Variants in PCDHGA10 observed in about 807,000 individuals in gnomAD.
PCDHGA10 encodes the protein protocadherin gamma subfamily A, 10.
Under a neutral mutation model 59.5 loss-of-function variants are expected in PCDHGA10, and 42 were observed. The observed-to-expected ratio is 0.71, with a 90% CI of 0.55 to 0.91. The LOEUF (loss-of-function observed/expected upper bound fraction) is 0.91, where lower values mean the gene tolerates loss of function less well. PCDHGA10 is among the 40% of genes least tolerant of loss of function. The pLI is 0.00. For missense variants in PCDHGA10, 1,111 were observed against 1,198.2 expected (o/e 0.93, Z 1.07); for synonymous variants, 511 against 517.2 (o/e 0.99, Z 0.16).
chr5:141,428,949 G>T (rs2097173007), intron 1 of PCDHGA10: 1 of 152,034 alleles, frequency 6.6e-6, no homozygotes, highest in Admixed American at 6.6e-5. Flanking sequence ...CTGCCTTCCG[G>T]GTTCTGGCCA....
At position 141,505,417 on chromosome 5, in the gene PCDHGA10, C is replaced by T; in HGVS notation, c.2520C>T (p.Gly840=). The change falls in exon 3 of 4, where the codon GGC becomes GGT. Residue 840 remains glycine, a synonymous_variant. Coordinates refer to ENST00000398610, the MANE Select transcript of PCDHGA10 (RefSeq NM_018913.3). ...TSGSQNGDDT[G]TWPNNQFDTE... is the part of the protein sequence containing the mutation. ...GCTCCCAAAATGGCGATGACACCGG[C>T]ACCTGGCCCAACAACCAGTTTGACA... 1 of 1,614,212 alleles carries T rather than the reference C, an allele frequency of 6.2e-7. No individual in the cohort carries two copies. Among genetic ancestry groups the T allele is most frequent in the Non-Finnish European group, 8.5e-7 (1 of 1,180,024 alleles).
Position 141,468,058 on chromosome 5 carries a change from C to T in PCDHGA10, c.2437-26749C>T, listed in dbSNP as rs993225792. ...TAGAAAACTAAGCCGGGCACAGTGG[C>T]TCACACCTGTAATCCCAGCACTTTG... On this transcript the variant is annotated intron_variant, in intron 1 of 3. Transcript: ENST00000398610. 1.1e-4 allele frequency among the ~76,000 whole-genome samples: 16 copies of T among 152,140 alleles called. 2 individuals carry two copies. The highest frequency in any genetic ancestry group is 5.2e-4 in the Admixed American group (8 of 15,276).
rs955615446 is a variant in PCDHGA10 at position 141,420,343 on chromosome 5, ATTATT to A, written c.2436+4736_2436+4740del. Reference sequence around the variant, plus strand: ...TGCCAATATATTCCAATATAGTGGTATTATTTTAAGATTCTAGATAACTTCTTCAT... The same window carrying A: ...TGCCAATATATTCCAATATAGTGGTATTAAGATTCTAGATAACTTCTTCAT... On this transcript the variant is annotated intron_variant, in intron 1 of 3. Transcript: ENST00000398610. 8 of 1,394,426 alleles carry A rather than the reference ATTATT, an allele frequency of 5.7e-6. No homozygotes were observed. In the African/African-American group the frequency reaches 1.2e-4, roughly 20 times the overall value. 86.4% of individuals were successfully genotyped at this position (1,394,426 alleles called of 1,614,324 possible).
rs1297009673 is a variant in PCDHGA10 at position 141,414,399 on chromosome 5, GGTGATAC to G, written c.1225_1231del (p.Val409ThrfsTer16). The stretch of plus-strand genomic sequence containing the variant: ...AGTCCATTGACAGTTATTACAGATT[GGTGATAC>G]ACAGAGCCCTTGACAGGGAACAGGT... On this transcript the variant is annotated frameshift_variant, in exon 1 of 4. Coordinates refer to ENST00000398610, the MANE Select transcript of PCDHGA10 (RefSeq NM_018913.3). LOFTEE classifies it high-confidence loss of function. The G allele has an allele frequency of 6.2e-7, 1 of 1,613,846 alleles. No individual in the cohort carries two copies. The highest frequency in any genetic ancestry group is 1.1e-5 in the South Asian group (1 of 91,082).
At chr5:141,463,773 C>A (rs2099069188) in intron 1 of PCDHGA10, among the ~76,000 whole-genome samples, 1 of 152,088 alleles carries the variant, frequency 6.6e-6, no homozygotes, top group Non-Finnish European at 1.5e-5. Context: ...GGGTTAGAAT[C>A]CTGCACTGTC....
chr5:141,477,042 G>A lies in PCDHGA10; in HGVS notation c.2437-17765G>A. ...ACCGGGATGCTGACAATCAAGGGTC[G>A]GCTGGACTTCGAGGACACCAAACTC... On this transcript the variant is annotated intron_variant, in intron 1 of 3. Transcript: ENST00000398610. This position sits in a 1 kb window ranked among gnomAD's most constrained non-coding sequence, Gnocchi z 4.9. 1 of 1,614,238 alleles carries A rather than the reference G, an allele frequency of 6.2e-7. No homozygotes were observed. Among genetic ancestry groups the A allele is most frequent in the Non-Finnish European group, 8.5e-7 (1 of 1,180,040 alleles).
At chr5:141,424,357 G>A (rs1171882619) in intron 1 of PCDHGA10, 1 of 152,122 alleles carries the variant, frequency 6.6e-6, no homozygotes, top group Non-Finnish European at 1.5e-5. Context: ...ATAAAATTTA[G>A]ATCACATTTT....
intron 1 of PCDHGA10, chr5:141,422,221 A>T (rs1267909650): frequency 1.3e-6 from 2 of 1,565,034 alleles, no homozygotes; most frequent in Admixed American, 4.0e-5. Context: ...CTTTACCACC[A>T]CGACGATGTT....
At chr5:141,470,015 G>C (rs999085849) in intron 1 of PCDHGA10, among the ~76,000 whole-genome samples, 1 of 152,130 alleles carries the variant, frequency 6.6e-6, no homozygotes, top group Non-Finnish European at 1.5e-5. Context: ...TGTAATCCCA[G>C]CTACTCGGGA....
rs372018713 is a variant in PCDHGA10, at chr5:141,418,097, C to G, written c.2436+2486C>G. ...GAAGCTGCACTTCAGCGTAGACGCG[C>G]AGAGCGGGGACTTACTTGTGAAGGA... On this transcript the variant is annotated intron_variant, in intron 1 of 3. Coordinates refer to ENST00000398610, the MANE Select transcript of PCDHGA10 (RefSeq NM_018913.3). The G allele has an allele frequency of 5.7e-4, 921 of 1,613,980 alleles. 9 individuals are homozygous for G. The South Asian group carries it at 6.8e-3, about 12-fold the overall frequency.
At chr5:141,495,804 T>G (rs894259635) in intron 2 of PCDHGA10, among the ~76,000 whole-genome samples, 1 of 152,168 alleles carries the variant, frequency 6.6e-6, no homozygotes, top group South Asian at 2.1e-4. Flanking sequence ...TTTCACCGTT[T>G]CCTAGCGCCT....
At chr5:141,480,927 C>T (rs1562083028) in intron 1 of PCDHGA10, among the ~76,000 whole-genome samples, 1 of 152,090 alleles carries the variant, frequency 6.6e-6, no homozygotes, top group Non-Finnish European at 1.5e-5. Context: ...TACCTGTAGT[C>T]CCAGCTACTC....
intron 1 of PCDHGA10, chr5:141,427,677 C>G: frequency 1.2e-6 from 1 of 816,672 alleles, no homozygotes; most frequent in Non-Finnish European, 2.1e-6. Context: ...AAACAACCTT[C>G]CCGGAGCCTC....
At chr5:141,465,338 G>C (rs908157154) in intron 1 of PCDHGA10, among the ~76,000 whole-genome samples, 6 of 151,962 alleles carry the variant, frequency 3.9e-5, no homozygotes, top group Admixed American at 2.6e-4. Context: ...TTTTATATTG[G>C]TTACTGAAGA....
chr5:141,421,524 G>A (rs375937711), intron 1 of PCDHGA10: 25 of 1,613,940 alleles, frequency 1.5e-5, no homozygotes, highest in Admixed American at 5.0e-5. Context: ...TCTGTGAGAC[G>A]GTGTCCTCCT....
At chr5:141,478,711 T>G (rs1420376406) in intron 1 of PCDHGA10, 1 of 1,547,346 alleles carries the variant, frequency 6.5e-7, no homozygotes. Context: ...CTTTGTGAGA[T>G]GGTGGCCTGC....
At position 141,415,308 on chromosome 5, in the gene PCDHGA10, C is replaced by T; in HGVS notation, c.2133C>T (p.Phe711=). 1 of 1,614,236 alleles carries T rather than the reference C, an allele frequency of 6.2e-7. No homozygotes were observed. The highest frequency in any genetic ancestry group is 8.5e-7 in the Non-Finnish European group (1 of 1,180,042). Residue 711 remains phenylalanine (F), a synonymous_variant, in exon 1 of 4, where the codon TTC becomes TTT. Coordinates refer to ENST00000398610, the MANE Select transcript of PCDHGA10 (RefSeq NM_018913.3). Reference sequence around the variant, plus strand: ...CGGTCTCCTGCGTCTTCCTGGCCTTCGTCATCGTGCTGCTGGCGCACAGGC... The same window carrying T: ...CGGTCTCCTGCGTCTTCCTGGCCTTTGTCATCGTGCTGCTGGCGCACAGGC... The part of the protein sequence containing the change: ...VAAVSCVFLA[F]VIVLLAHRLR...
rs1192899612 is a variant in PCDHGA10, at chr5:141,413,151, T to G, written c.-25T>G. 6.4e-7 allele frequency: 1 copy of G among 1,573,560 alleles called. No homozygotes were observed. The highest frequency in any genetic ancestry group is 8.6e-7 in the Non-Finnish European group (1 of 1,159,764). On this transcript the variant is annotated 5_prime_UTR_variant, in exon 1 of 4. Transcript: ENST00000398610. ...CACACAACGTGTCCAGTGAGGACTTTGCAGAATTCTGTAACCAGACTACAA... is the reference window on the plus strand; with the variant it reads ...CACACAACGTGTCCAGTGAGGACTTGGCAGAATTCTGTAACCAGACTACAA...
rs1405589878 is a variant in PCDHGA10 at position 141,504,323 on chromosome 5, T to A, written c.2496-1070T>A. On this transcript the variant is annotated intron_variant, in intron 2 of 3. Transcript: ENST00000398610. ...CACTCGGAGTTTCTAAAAGTCTCAC[T>A]TAGGTCCAAGTGCTAGGCTTTGTGC... Among the ~76,000 whole-genome samples, 4 of 152,114 alleles carry A rather than the reference T, an allele frequency of 2.6e-5. No individual in the cohort carries two copies. In the East Asian group the frequency reaches 7.7e-4, roughly 29 times the overall value.
Sources: allele counts gnomAD v4.1 joint callset (sites outside exome capture counted in the v4.1 genomes callset), GRCh38; gene constraint gnomAD v4.1.1; non-coding constraint Gnocchi (gnomAD v3.1); transcripts MANE v1.5; gene names NCBI Gene and HGNC (gene_info 2026-07-23, HGNC 2026-07-21).